The following ANAPC5 variants were observed in gnomAD, a reference collection of about 807,000 sequenced individuals.
The protein encoded by ANAPC5 is anaphase promoting complex subunit 5.
In ANAPC5, 60 loss-of-function variants were observed where a neutral mutation model predicts 91.3. That is an observed-to-expected ratio of 0.66 (90% CI 0.53 to 0.81). ANAPC5 has a LOEUF of 0.81. ANAPC5 is among the 40% of genes least tolerant of loss of function. The pLI, the probability that ANAPC5 is intolerant of heterozygous loss-of-function variation, is 0.00. For missense variants in ANAPC5, 690 were observed against 931.5 expected (o/e 0.74, Z 3.37); for synonymous variants, 340 against 364.1 (o/e 0.93, Z 0.75).
At chr12:121,324,828 G>A (rs1555272146) in intron 11 of ANAPC5, among the ~76,000 whole-genome samples, 1 of 152,168 alleles carries the variant, frequency 6.6e-6, no homozygotes, top group East Asian at 1.9e-4. Context: ...GCTGCAGTGA[G>A]CTATGATTGT....
intron 15 of ANAPC5, among the ~76,000 whole-genome samples, chr12:121,314,456 G>GA (rs984423117): frequency 1.6e-4 from 23 of 144,968 alleles, no homozygotes; most frequent in Middle Eastern, 3.4e-3. Flanking sequence ...AATCAATGCA[G>GA]AAAAAAAAAA....
rs145924442 is a variant in ANAPC5 at position 121,337,905 on chromosome 12, G to A, written c.658-513C>T. Among the ~76,000 whole-genome samples the A allele has an allele frequency of 2.1e-3, 318 of 152,210 alleles. 4 individuals carry two copies. Among genetic ancestry groups the A allele is most frequent in the African/African-American group, 6.9e-3 (288 of 41,516 alleles). On this transcript the variant is annotated intron_variant, in intron 5 of 16. Transcript: ENST00000261819. The stretch of plus-strand genomic sequence containing the variant: ...CTTGTATTTCCAGTGCCTGTATGGG[G>A]CCTTATGGGAGCCAGGTGGCTTGCC...
intron 11 of ANAPC5, among the ~76,000 whole-genome samples, chr12:121,323,393 C>G (rs1902695518): frequency 6.6e-6 from 1 of 151,920 alleles, no homozygotes; most frequent in African/African-American, 2.4e-5. Flanking sequence ...GGTGCAATCT[C>G]AGCTCATTGC....
At position 121,352,118 on chromosome 12, in the gene ANAPC5, AG is replaced by A; in HGVS notation, c.207+15del. ...AAAGTTTGCTGCACGAGCAGGAGCC[AG>A]CGGGCGCCTCTCACCTGCAGCAGGG... On this transcript the variant is annotated intron_variant, in intron 1 of 16. Transcript: ENST00000261819. The A allele has an allele frequency of 6.3e-7, 1 of 1,593,296 alleles. No homozygotes were observed. The highest frequency in any genetic ancestry group is 1.1e-5 in the South Asian group (1 of 90,016).
chr12:121,351,994 A>G, intron 1 of ANAPC5, 140 bp downstream of exon 1: 2 of 779,684 alleles, frequency 2.6e-6, no homozygotes, highest in Non-Finnish European at 3.9e-6. Context: ...TACCGGTAGT[A>G]GCTATCTTTA....
At chr12:121,325,745 T>C (rs374112460) in intron 11 of ANAPC5, among the ~76,000 whole-genome samples, 122 of 152,134 alleles carry the variant, frequency 8.0e-4, no homozygotes, top group African/African-American at 2.8e-3. Context: ...TGGACACCTA[T>C]AGTCCCAGCT....
chr12:121,353,465 G>A (rs950251161), upstream of ANAPC5, among the ~76,000 whole-genome samples: 2 of 152,044 alleles, frequency 1.3e-5, no homozygotes, highest in African/African-American at 2.4e-5. Context: ...GTTTTGAGAC[G>A]GAGTCTCCTC....
chr12:121,333,506 A>G (rs1171366831), intron 7 of ANAPC5: 1 of 152,196 alleles, frequency 6.6e-6, no homozygotes, highest in Non-Finnish European at 1.5e-5. Context: ...AGGTTATTAA[A>G]TGTGGGAAGA....
rs781919903 is a variant in ANAPC5 at position 121,346,025 on chromosome 12, A to C, written c.404T>G (p.Phe135Cys). ...EVHKTSVVGL[F>C]LRHMILAYSK... is the part of the protein sequence containing the mutation. ...GTAGGCCAAGATCATGTGACGCAGA[A>C]ACAAACCTACAAAATAAGACGAGAG... The change falls in exon 4 of 17, where the codon TTT (phenylalanine) becomes TGT (cysteine). Residue 135 changes from phenylalanine (F) to cysteine (C), a missense_variant. Phe to Cys is a radical substitution (Grantham distance 205). Around this residue, in one of 5 missense-constraint regions of ANAPC5, gnomAD observed 238 missense variants for 264.9 expected, o/e 0.90. Transcript: ENST00000261819. The C allele has an allele frequency of 1.2e-6, 2 of 1,602,162 alleles. No homozygotes were observed. Among genetic ancestry groups the C allele is most frequent in the African/African-American group, 2.7e-5 (2 of 74,230 alleles).
At chr12:121,325,924 T>C (rs1902797993) in intron 11 of ANAPC5, among the ~76,000 whole-genome samples, 1 of 152,188 alleles carries the variant, frequency 6.6e-6, no homozygotes, top group East Asian at 1.9e-4. Flanking sequence ...ATGCTTCTCT[T>C]ATCCAAGGCA....
chr12:121,328,713 G>C (rs1593588408), intron 9 of ANAPC5: 1 of 467,296 alleles, frequency 2.1e-6, no homozygotes, highest in Non-Finnish European at 3.9e-6. Flanking sequence ...ACACGGGAAA[G>C]AGCCAGCAGG....
At chr12:121,345,752 C>A (rs1319697166) in intron 4 of ANAPC5, 87 bp downstream of exon 4, 14 of 1,351,812 alleles carry the variant, frequency 1.0e-5, no homozygotes, top group South Asian at 6.6e-5. Context: ...TAAGCCAGCA[C>A]GTGAATTCTA....
In ANAPC5 at chr12:121,346,956, C is replaced by G; in HGVS notation, c.337G>C (p.Asp113His). ...GELKDMEQFF[D>H]DLSDSFSGTE... ...CCAGAGAAAGAATCTGAAAGGTCAT[C>G]AAAAAACTGTTCCATATCCTTCAAC... Residue 113 changes from aspartate (D) to histidine (H), a missense_variant, in exon 3 of 17, where the codon GAT becomes CAT. Around this residue, in one of 5 missense-constraint regions of ANAPC5, gnomAD observed 238 missense variants for 264.9 expected, o/e 0.90. Transcript: ENST00000261819. 1 of 1,611,792 alleles carries G rather than the reference C, an allele frequency of 6.2e-7. No individual in the cohort carries two copies.
intron 3 of ANAPC5, 63 bp downstream of exon 3, chr12:121,346,833 T>C (rs1903684531): frequency 1.0e-6 from 1 of 985,766 alleles, no homozygotes; most frequent in Non-Finnish European, 1.5e-6. Flanking sequence ...ATGATAGACA[T>C]GACTTAGAAA....
chr12:121,321,921 A>G (rs1902628074), intron 11 of ANAPC5, among the ~76,000 whole-genome samples: 1 of 151,358 alleles, frequency 6.6e-6, no homozygotes, highest in Non-Finnish European at 1.5e-5. Flanking sequence ...GCTGGAGTGC[A>G]GTGGCATGAT....
intron 5 of ANAPC5, among the ~76,000 whole-genome samples, chr12:121,340,267 G>C (rs1238518054): frequency 1.4e-5 from 2 of 145,376 alleles, no homozygotes; most frequent in Non-Finnish European, 3.0e-5. Context: ...GCAGTGAGCT[G>C]AGATCACCAC....
At chr12:121,349,003 G>A (rs782060499) in intron 1 of ANAPC5, among the ~76,000 whole-genome samples, 7 of 152,126 alleles carry the variant, frequency 4.6e-5, no homozygotes, top group Non-Finnish European at 8.8e-5. Context: ...AGTGGCTCAC[G>A]CCTGTAATAC....
intron 5 of ANAPC5, among the ~76,000 whole-genome samples, chr12:121,338,666 A>G (rs189351568): frequency 6.6e-6 from 1 of 152,312 alleles, no homozygotes; most frequent in African/African-American, 2.4e-5. Flanking sequence ...CCAAAAATAT[A>G]GAAAACCTAC....
chr12:121,327,085 C>T lies in ANAPC5; in HGVS notation c.1440+11G>A. 6.3e-7 allele frequency: 1 copy of T among 1,584,114 alleles called. No homozygotes were observed. The highest frequency in any genetic ancestry group is 8.6e-7 in the Non-Finnish European group (1 of 1,167,840). On this transcript the variant is annotated intron_variant, in intron 11 of 16. Coordinates refer to ENST00000261819, the MANE Select transcript of ANAPC5 (RefSeq NM_016237.5). ...TGCTCCAGAAGCACGTGGGCCCGGCCACCTGCCTACCTGCTCCGCGTGTAG... is the reference window on the plus strand; with the variant it reads ...TGCTCCAGAAGCACGTGGGCCCGGCTACCTGCCTACCTGCTCCGCGTGTAG...
Sources: allele counts gnomAD v4.1 joint callset (sites outside exome capture counted in the v4.1 genomes callset), GRCh38; gene constraint gnomAD v4.1.1; regional missense constraint gnomAD v4.1.1; transcripts MANE v1.5; gene names NCBI Gene and HGNC (gene_info 2026-07-23, HGNC 2026-07-21).